CMC1: variants seen among roughly 807,000 people sequenced by gnomAD.
CMC1 encodes C-X9-C motif containing 1, also known as COX assembly mitochondrial protein homolog.
CMC1 carries 14 observed loss-of-function variants against 14.1 expected under a neutral mutation model. That is an observed-to-expected ratio of 0.99 (90% CI 0.66 to 1.55). CMC1 has a LOEUF of 1.55. Ranked by LOEUF, CMC1 falls within the 40% of genes most tolerant of loss-of-function variation. The pLI is 0.00. For synonymous variants in CMC1, 50 were observed against 38.4 expected, an observed-to-expected ratio of 1.30 and a Z score of -1.12; for missense variants, 127 against 123.8, an observed-to-expected ratio of 1.03 and a Z score of -0.12.
At chr3:28,308,176 T>C (rs941369374) in intron 2 of CMC1, among the ~76,000 whole-genome samples, 1 of 152,050 alleles carries the variant, frequency 6.6e-6, no homozygotes, top group African/African-American at 2.4e-5. Context: ...GTTTCAGAGA[T>C]TGTGACTGGG....
At chr3:28,278,085 A>ATTGATGTGATTGTGTGATT (rs1159795289) in intron 2 of CMC1, among the ~76,000 whole-genome samples, 7 of 101,490 alleles carry the variant, frequency 6.9e-5, no homozygotes, top group East Asian at 6.8e-4. Context: ...GATGTGATTG[A>ATTGATGTGATTGTGTGATT]GATACTCCAA....
chr3:28,292,479 C>A (rs1427245370), intron 2 of CMC1, among the ~76,000 whole-genome samples: 3 of 152,054 alleles, frequency 2.0e-5, no homozygotes, highest in Non-Finnish European at 4.4e-5. Flanking sequence ...CATTTTAGTT[C>A]ATGTCATTCC....
intron 1 of CMC1, among the ~76,000 whole-genome samples, chr3:28,249,752 A>G (rs1392102251): frequency 1.3e-5 from 2 of 152,202 alleles, no homozygotes; most frequent in South Asian, 2.1e-4. Flanking sequence ...ACAAAATCCC[A>G]TAGACTGACT....
At chr3:28,301,628 G>GC (rs1490111086) in intron 2 of CMC1, among the ~76,000 whole-genome samples, 4 of 141,260 alleles carry the variant, frequency 2.8e-5, no homozygotes, top group African/African-American at 1.1e-4. Flanking sequence ...TATGGATGCT[G>GC]TTTTTTTTTT....
intron 2 of CMC1, among the ~76,000 whole-genome samples, chr3:28,270,297 A>G (rs990031797): frequency 6.6e-6 from 1 of 152,212 alleles, no homozygotes; most frequent in African/African-American, 2.4e-5. Context: ...GCTGGGTCAA[A>G]TGGTGTTTCT....
chr3:28,288,726 G>A (rs1577053700), intron 2 of CMC1, among the ~76,000 whole-genome samples: 3 of 151,874 alleles, frequency 2.0e-5, no homozygotes, highest in Admixed American at 6.6e-5. Context: ...TGTTAAAGAG[G>A]ATTATGATGA....
chr3:28,319,116 T>C (rs962146739), intron 3 of CMC1: 3 of 378,710 alleles, frequency 7.9e-6, no homozygotes, highest in East Asian at 7.3e-5. Context: ...TTTCTGTTGG[T>C]CTTTCAAAAT....
At chr3:28,283,540 AACAACAAAAAC>A (rs1701006601) in intron 2 of CMC1, among the ~76,000 whole-genome samples, 1 of 110,976 alleles carries the variant, frequency 9.0e-6, no homozygotes, top group Non-Finnish European at 2.0e-5. Flanking sequence ...CAACAACAAC[AACAACAAAAAC>A]AAAAAAAAAA....
intron 3 of CMC1, chr3:28,318,466 G>A (rs1456047781): frequency 2.8e-5 from 4 of 142,300 alleles, no homozygotes; most frequent in Non-Finnish European, 4.8e-5. Context: ...CTTAATGTTG[G>A]TGATTCCCCA....
intron 3 of CMC1, chr3:28,319,218 T>C (rs1162795820): frequency 2.1e-6 from 1 of 474,210 alleles, no homozygotes; most frequent in Admixed American, 2.3e-5. Flanking sequence ...CACAGTATTT[T>C]GTAGATTTAA....
rs773685274 is a variant in CMC1 at position 28,316,369 on chromosome 3, T to C, written c.146T>C (p.Met49Thr). ...TGTTGCAAGAACTCTGGAGTTCTTA[T>C]GGTAGTAAAATGCCGGAAAGAAAAT... ...TKCCKNSGVL[M>T]VVKCRKENSA... Residue 49 changes from methionine (M) to threonine (T), a missense_variant, in exon 3 of 4, where the codon ATG becomes ACG. By Grantham distance (81) the Met-to-Thr change is moderately conservative. Coordinates refer to ENST00000466830, the MANE Select transcript of CMC1 (RefSeq NM_182523.2). 6.9e-6 allele frequency: 11 copies of C among 1,595,084 alleles called. No homozygotes were observed. The African/African-American group carries it at 1.2e-4, about 18-fold the overall frequency.
intron 2 of CMC1, 33 bp downstream of exon 2, chr3:28,263,413 T>G (rs1250614618): frequency 7.5e-7 from 1 of 1,336,354 alleles, no homozygotes; most frequent in South Asian, 1.3e-5. Context: ...AAGATCAAAT[T>G]TATTTTTAAT....
At chr3:28,255,158 A>G (rs1699324923) in intron 1 of CMC1, among the ~76,000 whole-genome samples, 1 of 151,760 alleles carries the variant, frequency 6.6e-6, no homozygotes, top group South Asian at 2.1e-4. Flanking sequence ...GGCACCATCA[A>G]GCTTATAGGA....
chr3:28,270,332 C>T (rs1252866836), intron 2 of CMC1, among the ~76,000 whole-genome samples: 1 of 152,140 alleles, frequency 6.6e-6, no homozygotes, highest in Non-Finnish European at 1.5e-5. Context: ...GAGGAATCAC[C>T]ACACTGTCTT....
chr3:28,283,919 A>G (rs1701039574), intron 2 of CMC1, among the ~76,000 whole-genome samples: 1 of 152,178 alleles, frequency 6.6e-6, no homozygotes, highest in African/African-American at 2.4e-5. Flanking sequence ...TGAATCCTAG[A>G]TTGTGTCAGT....
chr3:28,247,128 G>A (rs1698869155), intron 1 of CMC1, among the ~76,000 whole-genome samples: 1 of 151,734 alleles, frequency 6.6e-6, no homozygotes, highest in Non-Finnish European at 1.5e-5. Flanking sequence ...ATTTTTTTGA[G>A]CATTTCCTTT....
intron 2 of CMC1, among the ~76,000 whole-genome samples, chr3:28,273,592 G>A (rs571329222): frequency 3.8e-4 from 58 of 152,160 alleles, no homozygotes; most frequent in Non-Finnish European, 7.2e-4. Flanking sequence ...TTGGGGTGGA[G>A]ATTTCTGTAG....
chr3:28,282,585 G>A (rs1700956541), intron 2 of CMC1, among the ~76,000 whole-genome samples: 1 of 152,104 alleles, frequency 6.6e-6, no homozygotes, highest in Admixed American at 6.5e-5. Flanking sequence ...TAGCTAAATA[G>A]CTAAACACAG....
At chr3:28,297,659 T>C (rs1412741214) in intron 2 of CMC1, among the ~76,000 whole-genome samples, 2 of 152,114 alleles carry the variant, frequency 1.3e-5, no homozygotes, top group Non-Finnish European at 2.9e-5. Context: ...GTTTTTCCTC[T>C]GCAGTGTTTT....
Sources: allele counts gnomAD v4.1 joint callset (sites outside exome capture counted in the v4.1 genomes callset), GRCh38; gene constraint gnomAD v4.1.1; transcripts MANE v1.5; gene names NCBI Gene and HGNC (gene_info 2026-07-23, HGNC 2026-07-21).